The following MIPOL1 variants were observed in gnomAD, a reference collection of about 807,000 sequenced individuals.
MIPOL1 encodes the protein mirror-image polydactyly gene 1 protein.
In MIPOL1, 57 loss-of-function variants were observed where a neutral mutation model predicts 60.9. The observed-to-expected ratio is 0.94, with a 90% confidence interval of 0.76 to 1.17. The LOEUF (loss-of-function observed/expected upper bound fraction) is 1.17, where lower values mean the gene tolerates loss of function less well. Among genes scored for constraint, MIPOL1 ranks in the 50% most tolerant of loss-of-function variants. The probability of loss-of-function intolerance (pLI) is 0.00; values close to 1 mark genes in which losing one functional copy is unlikely to be tolerated. For synonymous variants in MIPOL1, 179 were observed against 168.8 expected (o/e 1.06, Z -0.47); for missense variants, 551 against 511.6 (o/e 1.08, Z -0.74).
Position 37,270,401 on chromosome 14 carries a change from T to A in MIPOL1, c.388-19T>A, listed in dbSNP as rs200064903. ...CATTTGTCAAATAAGAATCCATGAT[T>A]TTTTTCAATGTGCTTTAGCTTCAGC... On this transcript the variant is annotated intron_variant, in intron 5 of 12. Transcript: ENST00000684589. 3 of 1,357,772 alleles carry A rather than the reference T, an allele frequency of 2.2e-6. No individual in the cohort carries two copies. Among genetic ancestry groups the A allele is most frequent in the African/African-American group, 1.5e-5 (1 of 67,218 alleles). 84.1% of individuals were successfully genotyped at this position (1,357,772 alleles called of 1,614,324 possible). A position where few individuals can be genotyped will look rare whatever the true frequency, so the allele number is the denominator to read the frequency against.
intron 9 of MIPOL1, among the ~76,000 whole-genome samples, chr14:37,350,322 C>T (rs984092029): frequency 1.3e-5 from 2 of 152,206 alleles, no homozygotes; most frequent in Non-Finnish European, 2.9e-5. Context: ...AAGTGGTTCT[C>T]CTGCCTCAAA....
intron 1 of MIPOL1, among the ~76,000 whole-genome samples, chr14:37,246,729 A>G (rs1424708697): frequency 6.6e-6 from 1 of 152,132 alleles, no homozygotes; most frequent in Non-Finnish European, 1.5e-5. Context: ...AGGATCTGAT[A>G]TGGCTTGAGC....
intron 10 of MIPOL1, among the ~76,000 whole-genome samples, chr14:37,414,491 A>C (rs2093730622): frequency 6.6e-6 from 1 of 152,120 alleles, no homozygotes; most frequent in African/African-American, 2.4e-5. Flanking sequence ...CCCTTGTGAA[A>C]TATCTCTTCA....
At chr14:37,535,330 C>G (rs2095501152) in intron 12 of MIPOL1, among the ~76,000 whole-genome samples, 1 of 152,136 alleles carries the variant, frequency 6.6e-6, no homozygotes, top group African/African-American at 2.4e-5. Flanking sequence ...TGAATATACA[C>G]ATATCAAGTT....
chr14:37,537,664 C>A (rs945662770), intron 12 of MIPOL1, among the ~76,000 whole-genome samples: 16 of 152,018 alleles, frequency 1.1e-4, no homozygotes, highest in African/African-American at 3.9e-4. Context: ...TGCATGATAC[C>A]AAACACAGCA....
At chr14:37,294,303 A>G (rs2085399411) in intron 7 of MIPOL1, among the ~76,000 whole-genome samples, 1 of 152,122 alleles carries the variant, frequency 6.6e-6, no homozygotes, top group South Asian at 2.1e-4. Context: ...CCAAAAACCC[A>G]TCTGTATGTC....
At chr14:37,323,907 T>G (rs551923634) in intron 9 of MIPOL1, among the ~76,000 whole-genome samples, 1 of 152,188 alleles carries the variant, frequency 6.6e-6, no homozygotes, top group East Asian at 1.9e-4. Flanking sequence ...TAATCTTGTT[T>G]CTTTTACTGA....
intron 10 of MIPOL1, chr14:37,385,714 T>A (rs1460830486): frequency 1.3e-5 from 2 of 152,132 alleles, no homozygotes; most frequent in Non-Finnish European, 2.9e-5. Context: ...AATGTAACCA[T>A]TTTTTAAAAA....
intron 1 of MIPOL1, among the ~76,000 whole-genome samples, chr14:37,233,363 A>T (rs1043098754): frequency 6.6e-6 from 1 of 152,192 alleles, no homozygotes; most frequent in East Asian, 1.9e-4. Flanking sequence ...TTTTTCAAAA[A>T]GTTTATTCTA....
intron 10 of MIPOL1, among the ~76,000 whole-genome samples, chr14:37,379,325 A>G (rs2092863614): frequency 1.3e-5 from 2 of 152,128 alleles, no homozygotes; most frequent in South Asian, 4.1e-4. Flanking sequence ...AAAATTTTTC[A>G]CAAATCTAAA....
At chr14:37,225,002 G>A (rs1303612168) in intron 1 of MIPOL1, among the ~76,000 whole-genome samples, 1 of 152,112 alleles carries the variant, frequency 6.6e-6, no homozygotes, top group African/African-American at 2.4e-5. Flanking sequence ...ATCCAGTGGG[G>A]CAGTCAAATA....
intron 11 of MIPOL1, among the ~76,000 whole-genome samples, chr14:37,472,745 C>A (rs2094707491): frequency 6.6e-6 from 1 of 152,058 alleles, no homozygotes; most frequent in African/African-American, 2.4e-5. Flanking sequence ...TTATGTTACC[C>A]TCTGAAGCAA....
chr14:37,297,318 G>A (rs2085831443), intron 7 of MIPOL1, among the ~76,000 whole-genome samples: 1 of 152,216 alleles, frequency 6.6e-6, no homozygotes, highest in African/African-American at 2.4e-5. Context: ...AATAATAAGA[G>A]CTATGTATGA....
At chr14:37,443,917 G>T (rs951844339) in intron 11 of MIPOL1, among the ~76,000 whole-genome samples, 5 of 152,074 alleles carry the variant, frequency 3.3e-5, no homozygotes, top group Non-Finnish European at 7.4e-5. Context: ...CATTTCAGTG[G>T]ATGCAGAAAA....
At chr14:37,417,062 G>A (rs1278643479) in intron 10 of MIPOL1, among the ~76,000 whole-genome samples, 1 of 152,142 alleles carries the variant, frequency 6.6e-6, no homozygotes, top group Non-Finnish European at 1.5e-5. Flanking sequence ...AGGTGAGGAA[G>A]TTGAGGCACA....
chr14:37,351,489 C>T (rs1337764905), intron 9 of MIPOL1, among the ~76,000 whole-genome samples: 9 of 151,926 alleles, frequency 5.9e-5, no homozygotes, highest in East Asian at 1.9e-4. Flanking sequence ...GCCACACTTA[C>T]TTCCACAATG....
chr14:37,466,723 A>G (rs892889460), intron 11 of MIPOL1, among the ~76,000 whole-genome samples: 4 of 152,222 alleles, frequency 2.6e-5, no homozygotes, highest in South Asian at 2.1e-4. Context: ...CACAAGCACA[A>G]CTTTGAAAGA....
rs190735284 is a variant in MIPOL1 at position 37,465,316 on chromosome 14, A to G, written c.1032-34592A>G. Reference sequence around the variant, plus strand: ...TAGACAGGATTTTAGGAACAATTACATTACACTTAGACCATCAACAGCATC... The same window carrying G: ...TAGACAGGATTTTAGGAACAATTACGTTACACTTAGACCATCAACAGCATC... On this transcript the variant is annotated intron_variant, in intron 11 of 12. Transcript: ENST00000684589. Among the ~76,000 whole-genome samples the G allele has an allele frequency of 4.2e-4, 64 of 152,278 alleles. 1 individual carries two copies. In the South Asian group the frequency reaches 5.6e-3, roughly 13 times the overall value.
intron 1 of MIPOL1, among the ~76,000 whole-genome samples, chr14:37,216,039 G>T (rs1055298005): frequency 6.8e-6 from 1 of 146,428 alleles, no homozygotes; most frequent in Non-Finnish European, 1.5e-5. Context: ...CTCCAGCCTG[G>T]GTGACAGAGC....
Sources: allele counts gnomAD v4.1 joint callset (sites outside exome capture counted in the v4.1 genomes callset), GRCh38; gene constraint gnomAD v4.1.1; transcripts MANE v1.5; gene names NCBI Gene and HGNC (gene_info 2026-07-23, HGNC 2026-07-21).